Variants in RUVBL2 observed in about 807,000 individuals in gnomAD.
The protein encoded by RUVBL2 is RuvB like AAA ATPase 2.
Under a neutral mutation model 57.9 loss-of-function variants are expected in RUVBL2, and 9 were observed. The observed-to-expected ratio is 0.16, with a 90% confidence interval of 0.09 to 0.27. The LOEUF is 0.27. Among genes scored for constraint, RUVBL2 ranks in the 10% least tolerant of loss-of-function variants. RUVBL2 has a pLI of 1.00. For synonymous variants in RUVBL2, 278 were observed against 264.6 expected (o/e 1.05, Z -0.49); for missense variants, 456 against 669.6 (o/e 0.68, Z 3.52).
Position 49,014,502 on chromosome 19 carries a change from C to T in RUVBL2, c.1020C>T (p.Tyr340=), listed in dbSNP as rs750661903. ...TCCTCAGAATCCGGGGCACCAGCTA[C>T]CAGAGCCCTCACGGCATCCCCATAG... ...RGITRIRGTS[Y]QSPHGIPIDL... The change falls in exon 12 of 15, where the codon TAC becomes TAT. Residue 340 remains tyrosine (Y), a synonymous_variant. Coordinates refer to ENST00000595090, the MANE Select transcript of RUVBL2 (RefSeq NM_006666.3). 6 of 1,613,938 alleles carry T rather than the reference C, an allele frequency of 3.7e-6. No individual in the cohort carries two copies. The African/African-American group carries it at 8.0e-5, about 22-fold the overall frequency.
At chr19:49,000,667 C>T (rs1448181535) in intron 2 of RUVBL2, among the ~76,000 whole-genome samples, 1 of 152,090 alleles carries the variant, frequency 6.6e-6, no homozygotes, top group South Asian at 2.1e-4. Flanking sequence ...GAGTTTGAGA[C>T]CAGCTTGGCC....
intron 1 of RUVBL2, among the ~76,000 whole-genome samples, chr19:48,995,941 C>G (rs908311625): frequency 2.7e-5 from 4 of 149,694 alleles, no homozygotes; most frequent in African/African-American, 9.9e-5. Context: ...GAGCCGAGAT[C>G]GCGCCACTGC....
chr19:49,010,394 G>C (rs572005155), intron 8 of RUVBL2, 94 bp from the exon 9 acceptor site: 434 of 1,248,526 alleles, frequency 3.5e-4, no homozygotes, highest in Middle Eastern at 6.0e-4. Flanking sequence ...ATTTCCTGGA[G>C]CTCCAGTCTC....
At chr19:48,994,266 G>T (rs1390160606) in intron 1 of RUVBL2, 2 of 341,134 alleles carry the variant, frequency 5.9e-6, no homozygotes, top group Non-Finnish European at 1.1e-5. Flanking sequence ...AGGACCTTGC[G>T]CTTCGAGCCA....
At chr19:49,013,971 A>G (rs552565157) in intron 11 of RUVBL2, among the ~76,000 whole-genome samples, 8 of 152,302 alleles carry the variant, frequency 5.3e-5, no homozygotes, top group African/African-American at 9.6e-5. Context: ...GACCCAGATT[A>G]TATATATATG....
rs568653467 is a variant in RUVBL2 at position 49,014,011 on chromosome 19, C to A, written c.1002-473C>A. The stretch of plus-strand genomic sequence containing the variant: ...GATGAAAATACTGTAAGCCGAGGCT[C>A]GAGAGAGCCTAACCCTGTATTCCAG... On this transcript the variant is annotated intron_variant, in intron 11 of 14. Coordinates refer to ENST00000595090, the MANE Select transcript of RUVBL2 (RefSeq NM_006666.3). Among the ~76,000 whole-genome samples, 8 of 152,344 alleles carry A rather than the reference C, an allele frequency of 5.3e-5. 1 individual carries two copies. The South Asian group carries it at 1.7e-3, about 32-fold the overall frequency.
intron 5 of RUVBL2, 39 bp from the exon 6 acceptor site, chr19:49,007,263 A>G (rs1399129779): frequency 1.2e-6 from 2 of 1,609,842 alleles, no homozygotes; most frequent in South Asian, 2.2e-5. Flanking sequence ...CCGAGGGTCC[A>G]GGTGTCAGGC....
rs534174144 is a variant in RUVBL2 at position 49,015,425 on chromosome 19, G to C, written c.1252-147G>C. 4.0e-6 allele frequency: 3 copies of C among 749,814 alleles called. No individual in the cohort carries two copies. In the East Asian group the frequency reaches 7.9e-5, roughly 20 times the overall value. 46.4% of individuals were successfully genotyped at this position (749,814 alleles called of 1,614,324 possible). ...CCACAACAAGGAGATGGCCAGGCAGGATTTGAACCCAGGCAATCTGGCCCA... is the reference window on the plus strand; with the variant it reads ...CCACAACAAGGAGATGGCCAGGCAGCATTTGAACCCAGGCAATCTGGCCCA... On this transcript the variant is annotated intron_variant, in intron 13 of 14. Coordinates refer to ENST00000595090, the MANE Select transcript of RUVBL2 (RefSeq NM_006666.3).
rs561852944 is a variant in RUVBL2, at chr19:49,006,575, G to A, written c.266-443G>A. 2.3e-3 allele frequency among the ~76,000 whole-genome samples: 346 copies of A among 152,348 alleles called. 3 individuals are homozygous for A. Among genetic ancestry groups the A allele is most frequent in the African/African-American group, 8.0e-3 (331 of 41,584 alleles). Reference sequence around the variant, plus strand: ...CAGTTCAGATCGCTCAAGATCCCACGGCGCCACCTGCACTTAAGTGGTGGA... The same window carrying A: ...CAGTTCAGATCGCTCAAGATCCCACAGCGCCACCTGCACTTAAGTGGTGGA... On this transcript the variant is annotated intron_variant, in intron 4 of 14. Coordinates refer to ENST00000595090, the MANE Select transcript of RUVBL2 (RefSeq NM_006666.3).
chr19:49,007,643 A>G (rs1477931933), intron 6 of RUVBL2, among the ~76,000 whole-genome samples: 1 of 151,960 alleles, frequency 6.6e-6, no homozygotes, highest in Non-Finnish European at 1.5e-5. Flanking sequence ...AGACTTCAAA[A>G]CTCGTTCCGT....
chr19:49,010,468 C>T lies in RUVBL2; in HGVS notation c.664-20C>T. Reference sequence around the variant, plus strand: ...TCCCTGCCCTGTCTCCGCCGTTCTTCCCCCACCCCCGCCCCATAGACCAAG... The same window carrying T: ...TCCCTGCCCTGTCTCCGCCGTTCTTTCCCCACCCCCGCCCCATAGACCAAG... On this transcript the variant is annotated intron_variant, in intron 8 of 14. Coordinates refer to ENST00000595090, the MANE Select transcript of RUVBL2 (RefSeq NM_006666.3). The T allele has an allele frequency of 5.0e-6, 4 of 807,068 alleles. No homozygotes were observed. Among genetic ancestry groups the T allele is most frequent in the Admixed American group, 2.4e-5 (1 of 41,160 alleles). The allele number at this position is 807,068 out of a possible 1,614,324, so 50.0% of individuals were successfully genotyped here.
chr19:49,007,093 G>A lies in RUVBL2; in HGVS notation c.341G>A (p.Ser114Asn). Residue 114 changes from serine (S) to asparagine (N), a missense_variant, in exon 5 of 15, where the codon AGC becomes AAC. Around this residue, in one of 5 missense-constraint regions of RUVBL2, gnomAD observed 233 missense variants for 306.0 expected, o/e 0.76. Transcript: ENST00000595090. Reference sequence around the variant, plus strand: ...AGTGAAATCTTCTCCCTGGAGATGAGCAAGACCGAGGCGCTGACGCAGGCC... The same window carrying A: ...AGTGAAATCTTCTCCCTGGAGATGAACAAGACCGAGGCGCTGACGCAGGCC... ...AGSEIFSLEMSKTEALTQAFR... is the reference protein window; with the variant it reads ...AGSEIFSLEMNKTEALTQAFR... 1 of 1,613,274 alleles carries A rather than the reference G, an allele frequency of 6.2e-7. No individual in the cohort carries two copies. Among genetic ancestry groups the A allele is most frequent in the Non-Finnish European group, 8.5e-7 (1 of 1,180,044 alleles).
Position 49,010,476 on chromosome 19 carries a change from C to CCCCCCCCCCA in RUVBL2, c.664-10_664-9insCCCCCCCACC. The CCCCCCCCCCA allele has an allele frequency of 6.4e-7, 1 of 1,563,284 alleles. No individual in the cohort carries two copies. The highest frequency in any genetic ancestry group is 8.8e-7 in the Non-Finnish European group (1 of 1,137,638). On this transcript the variant is annotated splice_polypyrimidine_tract_variant and intron_variant, in intron 8 of 14. Coordinates refer to ENST00000595090, the MANE Select transcript of RUVBL2 (RefSeq NM_006666.3). ...CTGTCTCCGCCGTTCTTCCCCCACCCCCGCCCCATAGACCAAGTTCGTGCA... is the reference window on the plus strand; with the variant it reads ...CTGTCTCCGCCGTTCTTCCCCCACCCCCCCCCCCCACCGCCCCATAGACCAAGTTCGTGCA...
At chr19:49,003,648 G>C (rs150435867) in intron 3 of RUVBL2, among the ~76,000 whole-genome samples, 1,569 of 152,124 alleles carry the variant, frequency 0.01, 36 homozygotes, top group Non-Finnish European at 9.0e-3. Context: ...GCCGGGCATG[G>C]TGGTGCATGC....
At chr19:49,004,504 T>G (rs2039247129) in intron 4 of RUVBL2, 86 bp downstream of exon 4, 1 of 1,354,684 alleles carries the variant, frequency 7.4e-7, no homozygotes, top group Non-Finnish European at 1.0e-6. Flanking sequence ...GAGCCGCCTT[T>G]AACAGATGAC....
At chr19:48,993,510 G>A (rs2038984928), upstream of RUVBL2, 1 of 430,314 alleles carries the variant, frequency 2.3e-6, no homozygotes, top group Non-Finnish European at 4.3e-6. Flanking sequence ...TGCGCTTTAC[G>A]GAAACGAGTG....
chr19:49,007,246 G>C, intron 5 of RUVBL2, 56 bp from the exon 6 acceptor site: 1 of 1,608,248 alleles, frequency 6.2e-7, no homozygotes, highest in South Asian at 1.1e-5. Flanking sequence ...ATGGAAGGTT[G>C]TGATTCCCGA....
intron 8 of RUVBL2, 83 bp from the exon 9 acceptor site, chr19:49,010,405 C>T: frequency 7.3e-7 from 1 of 1,364,410 alleles, no homozygotes; most frequent in South Asian, 1.2e-5. Context: ...CTCCAGTCTC[C>T]CCCAGACAGA....
intron 3 of RUVBL2, among the ~76,000 whole-genome samples, chr19:49,003,820 T>TA (rs1003692624): frequency 1.3e-5 from 2 of 150,000 alleles, no homozygotes; most frequent in African/African-American, 4.9e-5. Flanking sequence ...TTTGCCACCT[T>TA]AAAAAAAAGT....
Sources: allele counts gnomAD v4.1 joint callset (sites outside exome capture counted in the v4.1 genomes callset), GRCh38; gene constraint gnomAD v4.1.1; regional missense constraint gnomAD v4.1.1; transcripts MANE v1.5; gene names NCBI Gene and HGNC (gene_info 2026-07-23, HGNC 2026-07-21).